Variants in OR9Q1 observed in about 807,000 individuals in gnomAD.
OR9Q1 encodes olfactory receptor 9Q1.
For missense variants in OR9Q1, 374 were observed against 378.8 expected, an observed-to-expected ratio of 0.99 and a Z score of 0.11; for synonymous variants, 153 against 148.6, an observed-to-expected ratio of 1.03 and a Z score of -0.22.
At chr11:58,138,146 G>T (rs1854206981) in intron 2 of OR9Q1, among the ~76,000 whole-genome samples, 1 of 152,084 alleles carries the variant, frequency 6.6e-6, no homozygotes, top group African/African-American at 2.4e-5. Context: ...CCCCAATCAT[G>T]TCACTCTCCC....
At chr11:58,146,270 A>G (rs1318259877) in intron 2 of OR9Q1, among the ~76,000 whole-genome samples, 2 of 152,198 alleles carry the variant, frequency 1.3e-5, no homozygotes, top group Non-Finnish European at 2.9e-5. Context: ...ATCTACTTTT[A>G]TCTCCTTTAG....
Position 58,037,701 on chromosome 11 carries a change from T to TAG in OR9Q1, c.-93+13597_-93+13598insAG, listed in dbSNP as rs1565056547. ...TATATATATATATATTTTTTTTTTT[T>TAG]TTTTTTTTTTTTTTTTTTTTTTTTT... On this transcript the variant is annotated intron_variant, in intron 1 of 2. Coordinates refer to ENST00000335397, the MANE Select transcript of OR9Q1 (RefSeq NM_001005212.4). 9.4e-3 allele frequency among the ~76,000 whole-genome samples: 81 copies of TAG among 8,620 alleles called. 3 individuals carry two copies. Among genetic ancestry groups the TAG allele is most frequent in the South Asian group, 0.017 (2 of 120 alleles). The allele number at this position is 8,620 out of a possible 152,430, so 5.7% of individuals were successfully genotyped here. A position where few individuals can be genotyped will look rare whatever the true frequency, so the allele number is the denominator to read the frequency against.
chr11:58,057,101 C>T (rs1307669284), intron 2 of OR9Q1, among the ~76,000 whole-genome samples: 2 of 142,982 alleles, frequency 1.4e-5, no homozygotes, highest in African/African-American at 5.2e-5. Flanking sequence ...TCAAGTGATT[C>T]TCATGCCTCA....
At chr11:58,106,305 TA>T (rs1374220776) in intron 2 of OR9Q1, among the ~76,000 whole-genome samples, 1 of 152,098 alleles carries the variant, frequency 6.6e-6, no homozygotes, top group African/African-American at 2.4e-5. Flanking sequence ...TTTGTATAGA[TA>T]TATATTCAGT....
At chr11:58,123,468 C>G (rs1854056240) in intron 2 of OR9Q1, among the ~76,000 whole-genome samples, 1 of 152,118 alleles carries the variant, frequency 6.6e-6, no homozygotes, top group South Asian at 2.1e-4. Flanking sequence ...GATTAGGTGG[C>G]AGATTGTTGG....
chr11:58,115,197 T>C (rs1467530359), intron 2 of OR9Q1, among the ~76,000 whole-genome samples: 1 of 152,178 alleles, frequency 6.6e-6, no homozygotes, highest in Non-Finnish European at 1.5e-5. Flanking sequence ...ATATTTATCA[T>C]AATTAACAAT....
intron 2 of OR9Q1, among the ~76,000 whole-genome samples, chr11:58,162,134 G>T (rs753258739): frequency 1.3e-5 from 2 of 150,864 alleles, no homozygotes; most frequent in Admixed American, 6.6e-5. Flanking sequence ...CTTGAAGAAG[G>T]TTCCTAACAG....
chr11:58,167,675 T>C (rs752959191), intron 2 of OR9Q1, among the ~76,000 whole-genome samples: 2 of 151,926 alleles, frequency 1.3e-5, no homozygotes, highest in Non-Finnish European at 2.9e-5. Flanking sequence ...CTTGGCAAGG[T>C]TTTCTCACGT....
At chr11:58,107,754 T>G (rs1853856399) in intron 2 of OR9Q1, among the ~76,000 whole-genome samples, 1 of 95,502 alleles carries the variant, frequency 1.0e-5, no homozygotes, top group African/African-American at 3.0e-5. Context: ...TATTTGTCTC[T>G]TCTTTAATTT....
chr11:58,064,916 A>G (rs1309547741), intron 2 of OR9Q1, among the ~76,000 whole-genome samples: 1 of 151,872 alleles, frequency 6.6e-6, no homozygotes, highest in East Asian at 1.9e-4. Flanking sequence ...TTAGACACAT[A>G]CACACACACA....
intron 2 of OR9Q1, among the ~76,000 whole-genome samples, chr11:58,150,165 T>C (rs1854336789): frequency 6.6e-6 from 1 of 152,220 alleles, no homozygotes. Flanking sequence ...CTAATGGGTA[T>C]GAAATGGTAT....
At chr11:58,137,730 G>T (rs1215431090) in intron 2 of OR9Q1, among the ~76,000 whole-genome samples, 1 of 152,072 alleles carries the variant, frequency 6.6e-6, no homozygotes, top group African/African-American at 2.4e-5. Context: ...CCTAAACCAA[G>T]TTTCTTAATC....
intron 2 of OR9Q1, among the ~76,000 whole-genome samples, chr11:58,107,121 T>G (rs550419446): frequency 2.6e-5 from 4 of 152,250 alleles, no homozygotes; most frequent in African/African-American, 9.6e-5. Context: ...TTTCTTTTTT[T>G]TTAAATTATA....
intron 2 of OR9Q1, among the ~76,000 whole-genome samples, chr11:58,128,959 T>G (rs1235316061): frequency 6.6e-6 from 1 of 152,218 alleles, no homozygotes; most frequent in African/African-American, 2.4e-5. Context: ...CATACCATCT[T>G]AAATTCACTC....
chr11:58,036,628 A>G (rs1853103160), intron 1 of OR9Q1, among the ~76,000 whole-genome samples: 1 of 152,222 alleles, frequency 6.6e-6, no homozygotes, highest in Non-Finnish European at 1.5e-5. Context: ...TATCAACATG[A>G]TCAGGAGTTT....
intron 2 of OR9Q1, among the ~76,000 whole-genome samples, chr11:58,144,196 A>G (rs1854277812): frequency 9.4e-6 from 1 of 105,836 alleles, no homozygotes; most frequent in Admixed American, 1.3e-4. Context: ...ACCCCACAAC[A>G]GTCCCCGGTG....
At chr11:58,047,206 C>T (rs1293171141) in intron 1 of OR9Q1, 1 of 152,156 alleles carries the variant, frequency 6.6e-6, no homozygotes, top group Non-Finnish European at 1.5e-5. Flanking sequence ...AGTCAATAAT[C>T]CACCCCTTTT....
intron 2 of OR9Q1, chr11:58,117,917 G>A (rs995173684): frequency 1.3e-5 from 2 of 152,218 alleles, no homozygotes; most frequent in African/African-American, 4.8e-5. Flanking sequence ...CAAGAAGGAA[G>A]ACACTCTAAG....
intron 2 of OR9Q1, among the ~76,000 whole-genome samples, chr11:58,160,883 G>C (rs962269505): frequency 1.3e-5 from 2 of 152,154 alleles, no homozygotes; most frequent in East Asian, 3.9e-4. Context: ...CGACTTCATG[G>C]TCACAAGTAG....
Sources: allele counts gnomAD v4.1 joint callset (sites outside exome capture counted in the v4.1 genomes callset), GRCh38; gene constraint gnomAD v4.1.1; transcripts MANE v1.5; gene names NCBI Gene and HGNC (gene_info 2026-07-23, HGNC 2026-07-21).